TBC1D31: variants seen among roughly 807,000 people sequenced by gnomAD.
TBC1D31 encodes the protein WD repeat domain 67.
TBC1D31 carries 99 observed loss-of-function variants against 132.9 expected under a neutral mutation model. The observed-to-expected ratio is 0.74, with a 90% CI of 0.63 to 0.88. The LOEUF (loss-of-function observed/expected upper bound fraction) is 0.88, where lower values mean the gene tolerates loss of function less well. TBC1D31 is among the 40% of genes least tolerant of loss of function. The pLI is 0.00. For synonymous variants in TBC1D31, 385 were observed against 419.4 expected, an observed-to-expected ratio of 0.92 and a Z score of 1.00; for missense variants, 1,134 against 1,256.6, an observed-to-expected ratio of 0.90 and a Z score of 1.48.
At chr8:123,136,555 A>C (rs1161870376) in intron 17 of TBC1D31, among the ~76,000 whole-genome samples, 1 of 152,116 alleles carries the variant, frequency 6.6e-6, no homozygotes, top group Non-Finnish European at 1.5e-5. Context: ...GGTTCAAGAA[A>C]TTCTCCTGCC....
At chr8:123,128,198 CT>C in intron 13 of TBC1D31, 82 bp from the exon 14 acceptor site, 1 of 708,914 alleles carries the variant, frequency 1.4e-6, no homozygotes, top group East Asian at 2.7e-5. Flanking sequence ...GATAGATACA[CT>C]TTTTTTAAAT....
At chr8:123,093,826 C>T in intron 5 of TBC1D31, 84 bp downstream of exon 5, 1 of 1,006,492 alleles carries the variant, frequency 9.9e-7, no homozygotes, top group Non-Finnish European at 1.3e-6. Context: ...AGTTTTTATT[C>T]AGTATCTTTT....
intron 5 of TBC1D31, 27 bp downstream of exon 5, chr8:123,093,769 A>G (rs775924912): frequency 2.2e-6 from 3 of 1,363,966 alleles, no homozygotes; most frequent in Admixed American, 5.0e-5. Context: ...GACACTAGGA[A>G]TATTTAAGAA....
intron 1 of TBC1D31, among the ~76,000 whole-genome samples, chr8:123,075,876 A>G (rs759568853): frequency 1.9e-4 from 29 of 152,202 alleles, no homozygotes; most frequent in Admixed American, 1.7e-3. Context: ...TTAATTTTAT[A>G]AATTTTCTTT....
chr8:123,130,127 C>G, intron 15 of TBC1D31, 71 bp from the exon 16 acceptor site: 2 of 1,464,310 alleles, frequency 1.4e-6, no homozygotes, highest in Non-Finnish European at 1.9e-6. Flanking sequence ...GCATGGCAGA[C>G]CTGTTATGAA....
intron 6 of TBC1D31, 89 bp from the exon 7 acceptor site, chr8:123,100,718 G>T: frequency 1.1e-6 from 1 of 886,522 alleles, no homozygotes; most frequent in Non-Finnish European, 1.8e-6. Context: ...ATACACAAAC[G>T]TTGCATACAC....
At chr8:123,100,056 C>A (rs1340316433) in intron 6 of TBC1D31, among the ~76,000 whole-genome samples, 1 of 152,138 alleles carries the variant, frequency 6.6e-6, no homozygotes, top group Admixed American at 6.5e-5. Context: ...AACACTGTTG[C>A]ATTGAGCAAG....
At chr8:123,101,583 T>C (rs951132072) in intron 7 of TBC1D31, among the ~76,000 whole-genome samples, 2 of 152,018 alleles carry the variant, frequency 1.3e-5, no homozygotes, top group Admixed American at 6.5e-5. Flanking sequence ...CCCTGCTAAT[T>C]TTTGTATTTT....
intron 17 of TBC1D31, among the ~76,000 whole-genome samples, chr8:123,136,250 TTTG>T (rs1445994790): frequency 2.0e-5 from 3 of 152,188 alleles, no homozygotes; most frequent in African/African-American, 7.2e-5. Flanking sequence ...CATCCATTGT[TTTG>T]TTGTTGTCAC....
intron 19 of TBC1D31, among the ~76,000 whole-genome samples, chr8:123,143,150 G>A (rs1474076786): frequency 6.6e-6 from 1 of 152,148 alleles, no homozygotes; most frequent in African/African-American, 2.4e-5. Flanking sequence ...CCAGGCAGCG[G>A]GGAGAAGGGA....
chr8:123,160,812 A>G, the TBC1D31 span, among the ~76,000 whole-genome samples: 4 of 152,294 alleles, frequency 2.6e-5, no homozygotes, highest in Middle Eastern at 6.8e-3. Context: ...TTCGCTCCGT[A>G]AAGTGTCTCC....
At chr8:123,126,741 ATT>A in intron 13 of TBC1D31, 54 bp downstream of exon 13, 3 of 1,370,686 alleles carry the variant, frequency 2.2e-6, no homozygotes, top group Non-Finnish European at 2.0e-6. Context: ...ATTTCTCTCT[ATT>A]TTTTTTTTAA....
chr8:123,119,528 T>C (rs1193337274), intron 10 of TBC1D31, among the ~76,000 whole-genome samples: 1 of 152,076 alleles, frequency 6.6e-6, no homozygotes, highest in Non-Finnish European at 1.5e-5. Flanking sequence ...CTGGGTAATA[T>C]AGTGAGACCC....
chr8:123,140,612 T>G (rs1821554622), intron 17 of TBC1D31, 149 bp from the exon 18 acceptor site: 1 of 643,804 alleles, frequency 1.6e-6, no homozygotes, highest in African/African-American at 1.9e-5. Flanking sequence ...TCTGCCATTT[T>G]TGCTGATGTC....
chr8:123,102,466 GCAAA>G (rs1817536424), intron 7 of TBC1D31: 3 of 325,644 alleles, frequency 9.2e-6, no homozygotes, highest in South Asian at 7.5e-5. Flanking sequence ...GTACAGAATA[GCAAA>G]CAGACAAATA....
At chr8:123,097,593 A>C (rs1421187428) in intron 6 of TBC1D31, 152 bp downstream of exon 6, 1 of 909,884 alleles carries the variant, frequency 1.1e-6, no homozygotes, top group Non-Finnish European at 1.5e-6. Context: ...TCTAGGATTG[A>C]AAAAAATTTC....
intron 11 of TBC1D31, among the ~76,000 whole-genome samples, chr8:123,122,266 A>G (rs528671929): frequency 1.1e-4 from 16 of 152,228 alleles, no homozygotes; most frequent in Admixed American, 5.9e-4. Flanking sequence ...CATTATTCCC[A>G]ATAGCCAAAA....
intron 2 of TBC1D31, among the ~76,000 whole-genome samples, chr8:123,079,543 C>T (rs1814916379): frequency 6.6e-6 from 1 of 152,248 alleles, no homozygotes; most frequent in Middle Eastern, 3.4e-3. Context: ...ATCAGTACCA[C>T]TGTCTATTTG....
chr8:123,153,598 T>A (rs1822914791), downstream of TBC1D31, among the ~76,000 whole-genome samples: 1 of 152,224 alleles, frequency 6.6e-6, no homozygotes, highest in African/African-American at 2.4e-5. Context: ...ATCCCCTCAG[T>A]CATATGTGCT....
Sources: gnomAD v4.1 joint callset for allele counts (sites outside exome capture counted in the v4.1 genomes callset) on GRCh38, gnomAD v4.1.1 for gene constraint, MANE v1.5 for transcripts, NCBI Gene and HGNC (gene_info 2026-07-23, HGNC 2026-07-21) for gene names.